The following NAMPT variants were observed in gnomAD, a reference collection of about 807,000 sequenced individuals.
NAMPT encodes NAmPRTase.
NAMPT carries 7 observed loss-of-function variants against 58.7 expected under a neutral mutation model. The observed-to-expected ratio is 0.12, with a 90% CI of 0.07 to 0.22. The LOEUF (loss-of-function observed/expected upper bound fraction) is 0.22, where lower values mean the gene tolerates loss of function less well. NAMPT is among the 10% of genes least tolerant of loss of function. NAMPT has a pLI of 1.00. For synonymous variants in NAMPT, 145 were observed against 198.1 expected (o/e 0.73, Z 2.25); for missense variants, 271 against 567.9 (o/e 0.48, Z 5.31).
At chr7:106,257,114 A>G (rs1792214848) in intron 8 of NAMPT, among the ~76,000 whole-genome samples, 1 of 151,870 alleles carries the variant, frequency 6.6e-6, no homozygotes, top group Non-Finnish European at 1.5e-5. Context: ...ACTGCACTCC[A>G]GCTTGGGCAA....
Position 106,284,967 on chromosome 7 carries a change from C to A in NAMPT, c.-83G>T. 1 of 1,528,220 alleles carries A rather than the reference C, an allele frequency of 6.5e-7. No individual in the cohort carries two copies. Among genetic ancestry groups the A allele is most frequent in the Non-Finnish European group, 8.8e-7 (1 of 1,130,858 alleles). 94.7% of individuals were successfully genotyped at this position (1,528,220 alleles called of 1,614,324 possible). A position where few individuals can be genotyped will look rare whatever the true frequency, so the allele number is the denominator to read the frequency against. ...GGAGAAAAATGAGCTTCACCGCGCT[C>A]CGTTGCTTAAGTCACTGCTCGGTCG... On this transcript the variant is annotated 5_prime_UTR_variant, in exon 1 of 11. Transcript: ENST00000222553.
intron 8 of NAMPT, among the ~76,000 whole-genome samples, chr7:106,255,145 T>A (rs374936478): frequency 2.2e-4 from 34 of 152,346 alleles, no homozygotes; most frequent in African/African-American, 7.9e-4. Flanking sequence ...TGATTAGTTA[T>A]AAACCAGCTA....
At chr7:106,254,152 T>C (rs530317144) in intron 9 of NAMPT, among the ~76,000 whole-genome samples, 70 of 152,292 alleles carry the variant, frequency 4.6e-4, no homozygotes, top group Non-Finnish European at 8.1e-4. Flanking sequence ...TTTTCCTTAT[T>C]GTTCTTCCTT....
At chr7:106,283,847 G>GA (rs368935462) in intron 1 of NAMPT, among the ~76,000 whole-genome samples, 14 of 150,262 alleles carry the variant, frequency 9.3e-5, no homozygotes, top group African/African-American at 2.7e-4. Flanking sequence ...AAAAACAAAG[G>GA]AAAAAAAAAG....
intron 7 of NAMPT, among the ~76,000 whole-genome samples, 184 bp from the exon 8 acceptor site, chr7:106,261,891 A>G (rs1792309874): frequency 6.6e-6 from 1 of 152,178 alleles, no homozygotes; most frequent in Non-Finnish European, 1.5e-5. Context: ...GGGTTAAAGT[A>G]CATTAAAAAC....
chr7:106,263,084 A>C (rs537324627), intron 7 of NAMPT: 1 of 332,058 alleles, frequency 3.0e-6, no homozygotes, highest in South Asian at 4.6e-5. Context: ...ACTGCAAATA[A>C]GTTTGGTGCC....
rs919378362 is a variant in NAMPT at position 106,254,263 on chromosome 7, T to C, written c.1230+101A>G. ...GTAGTACCCAACAACATATTAACAG[T>C]CCACGGCCACATCAATCTTTGACAA... On this transcript the variant is annotated intron_variant, in intron 9 of 10. Coordinates refer to ENST00000222553, the MANE Select transcript of NAMPT (RefSeq NM_005746.3). The C allele has an allele frequency of 2.3e-6, 3 of 1,333,042 alleles. No individual in the cohort carries two copies. In the African/African-American group the frequency reaches 4.4e-5, roughly 19 times the overall value. 82.6% of individuals were successfully genotyped at this position (1,333,042 alleles called of 1,614,324 possible).
At chr7:106,255,516 T>C (rs1792184730) in intron 8 of NAMPT, among the ~76,000 whole-genome samples, 1 of 152,136 alleles carries the variant, frequency 6.6e-6, no homozygotes, top group African/African-American at 2.4e-5. Flanking sequence ...TGACTTTCTT[T>C]GTTTTCAACA....
chr7:106,256,973 C>T (rs1390538264), intron 8 of NAMPT, among the ~76,000 whole-genome samples: 3 of 151,890 alleles, frequency 2.0e-5, no homozygotes, highest in Admixed American at 2.0e-4. Context: ...GTCAGCAGTT[C>T]GAGACCAGCC....
chr7:106,272,103 T>C, intron 4 of NAMPT: 1 of 390,712 alleles, frequency 2.6e-6, no homozygotes, highest in African/African-American at 2.2e-5. Context: ...TCCTAAGACC[T>C]AAACTGATGA....
chr7:106,277,820 T>C (rs2115824900), intron 1 of NAMPT, among the ~76,000 whole-genome samples: 1 of 152,206 alleles, frequency 6.6e-6, no homozygotes, highest in African/African-American at 2.4e-5. Flanking sequence ...TACGAAGAGG[T>C]CTTCCTTAGC....
At chr7:106,284,760 C>A (rs1158858314) in intron 1 of NAMPT, 68 bp downstream of exon 1, 11 of 1,373,290 alleles carry the variant, frequency 8.0e-6, no homozygotes, top group East Asian at 3.1e-5. Context: ...GCCGCCCCCG[C>A]CCCCCTGCCG....
At chr7:106,270,000 A>C (rs1792501233) in intron 4 of NAMPT, among the ~76,000 whole-genome samples, 1 of 152,234 alleles carries the variant, frequency 6.6e-6, no homozygotes, top group Admixed American at 6.5e-5. Context: ...CGTAAGTTAC[A>C]GGAAACACTT....
chr7:106,263,141 C>A, intron 7 of NAMPT: 1 of 450,252 alleles, frequency 2.2e-6, no homozygotes, highest in Non-Finnish European at 3.9e-6. Context: ...ATTAATTTTG[C>A]AGGTAAGCAG....
intron 6 of NAMPT, among the ~76,000 whole-genome samples, chr7:106,267,963 T>C (rs13242429): frequency 6.7e-6 from 1 of 148,336 alleles, no homozygotes; most frequent in East Asian, 2.0e-4. Flanking sequence ...TAACTGGAGA[T>C]AGTTTACTGA....
intron 8 of NAMPT, among the ~76,000 whole-genome samples, chr7:106,258,696 C>T: frequency 6.6e-6 from 1 of 152,144 alleles, no homozygotes; most frequent in Non-Finnish European, 1.5e-5. Flanking sequence ...ATTAAGTGTG[C>T]AATAGCATTA....
intron 4 of NAMPT, among the ~76,000 whole-genome samples, chr7:106,269,514 G>GAT (rs1792490336): frequency 2.0e-5 from 3 of 151,942 alleles, no homozygotes; most frequent in Admixed American, 2.0e-4. Flanking sequence ...CAACAAAGAA[G>GAT]ATAAGCACAC....
chr7:106,261,275 C>G (rs1186965917), intron 8 of NAMPT, among the ~76,000 whole-genome samples: 1 of 152,120 alleles, frequency 6.6e-6, no homozygotes, highest in Non-Finnish European at 1.5e-5. Flanking sequence ...AGACCTATGC[C>G]AGCAGAGTCA....
intron 8 of NAMPT, 21 bp downstream of exon 8, chr7:106,261,566 AC>A: frequency 1.3e-6 from 2 of 1,484,094 alleles, no homozygotes; most frequent in Non-Finnish European, 1.8e-6. Context: ...CCTTATTGAA[AC>A]TTTTAATATA....
Sources: allele counts gnomAD v4.1 joint callset (sites outside exome capture counted in the v4.1 genomes callset), GRCh38; gene constraint gnomAD v4.1.1; transcripts MANE v1.5; gene names NCBI Gene and HGNC (gene_info 2026-07-23, HGNC 2026-07-21).